Variants in MED13L observed in about 807,000 individuals in gnomAD.
MED13L encodes mediator of RNA polymerase II transcription subunit 13-like.
In MED13L, 7 loss-of-function variants were observed where a neutral mutation model predicts 220.9. That is an observed-to-expected ratio of 0.03 (90% CI 0.02 to 0.06). The LOEUF (loss-of-function observed/expected upper bound fraction) is 0.06. MED13L is among the 10% of genes least tolerant of loss of function. MED13L has a pLI of 1.00. For synonymous variants in MED13L, 1,011 were observed against 1,015.2 expected, an observed-to-expected ratio of 1.00 and a Z score of 0.08; for missense variants, 1,965 against 2,760.5, an observed-to-expected ratio of 0.71 and a Z score of 6.46.
intron 5 of MED13L, among the ~76,000 whole-genome samples, chr12:116,021,330 A>G (rs1355315211): frequency 1.3e-5 from 2 of 152,162 alleles, no homozygotes; most frequent in African/African-American, 4.8e-5. Context: ...TTATTACCAT[A>G]ACTAAATGCT....
intron 1 of MED13L, among the ~76,000 whole-genome samples, chr12:116,262,757 T>C (rs1872597237): frequency 6.6e-6 from 1 of 152,210 alleles, no homozygotes; most frequent in Non-Finnish European, 1.5e-5. Flanking sequence ...ATGAGAATCA[T>C]TCCGCTGTTT....
intron 4 of MED13L, among the ~76,000 whole-genome samples, chr12:116,075,153 C>T (rs1870678784): frequency 6.6e-6 from 1 of 152,010 alleles, no homozygotes; most frequent in Non-Finnish European, 1.5e-5. Flanking sequence ...TTACCTTTTT[C>T]ATTTTGGGGG....
chr12:116,190,481 T>C (rs115789823), intron 2 of MED13L, among the ~76,000 whole-genome samples: 76 of 152,312 alleles, frequency 5.0e-4, no homozygotes, highest in African/African-American at 1.8e-3. Flanking sequence ...CTACATCAAA[T>C]CTGAATTAAA....
At chr12:116,205,532 G>GAAAAAA (rs34982320) in intron 2 of MED13L, among the ~76,000 whole-genome samples, 5 of 94,016 alleles carry the variant, frequency 5.3e-5, no homozygotes, top group African/African-American at 4.2e-5. Flanking sequence ...CAAAGGAAGA[G>GAAAAAA]AAAAAAAAAA....
chr12:115,983,878 C>T (rs1331737227), intron 20 of MED13L, among the ~76,000 whole-genome samples: 1 of 152,148 alleles, frequency 6.6e-6, no homozygotes, highest in African/African-American at 2.4e-5. Context: ...CCTAGGTTTA[C>T]AAGCTTCTAA....
At chr12:116,052,937 T>C (rs1868629151) in intron 4 of MED13L, among the ~76,000 whole-genome samples, 1 of 152,166 alleles carries the variant, frequency 6.6e-6, no homozygotes, top group African/African-American at 2.4e-5. Flanking sequence ...GGCAACATAT[T>C]AATAGTAAGT....
intron 2 of MED13L, among the ~76,000 whole-genome samples, chr12:116,123,088 T>A (rs1453230425): frequency 6.6e-6 from 1 of 152,178 alleles, no homozygotes; most frequent in African/African-American, 2.4e-5. Context: ...TTAAAATGAT[T>A]AACATGCTCT....
intron 2 of MED13L, among the ~76,000 whole-genome samples, chr12:116,214,082 T>C (rs1882864983): frequency 6.6e-6 from 1 of 152,234 alleles, no homozygotes; most frequent in South Asian, 2.1e-4. Flanking sequence ...GCTCTGTCTA[T>C]GGTGCAGCCA....
chr12:116,192,708 A>C (rs939650370), intron 2 of MED13L, among the ~76,000 whole-genome samples: 1 of 152,094 alleles, frequency 6.6e-6, no homozygotes, highest in East Asian at 1.9e-4. Flanking sequence ...AACAACCCTG[A>C]CCCTTATTTC....
At chr12:116,070,086 T>C (rs1317229030) in intron 4 of MED13L, among the ~76,000 whole-genome samples, 2 of 152,182 alleles carry the variant, frequency 1.3e-5, no homozygotes, top group Admixed American at 6.5e-5. Context: ...AAAGTGTAAA[T>C]ATCTCTCACT....
rs1239372250 is a variant in MED13L, at chr12:116,193,188, G to A, written c.310+44280C>T. Among the ~76,000 whole-genome samples, 3 of 152,034 alleles carry A rather than the reference G, an allele frequency of 2.0e-5. No individual in the cohort carries two copies. The East Asian group carries it at 5.8e-4, about 29-fold the overall frequency. ...TAGGCAGGCATGGTAGCTCACTCCT[G>A]TAGTCACAGCTGCTTGGGAGGCTGA... On this transcript the variant is annotated intron_variant, in intron 2 of 30. Coordinates refer to ENST00000281928, the MANE Select transcript of MED13L (RefSeq NM_015335.5).
intron 4 of MED13L, among the ~76,000 whole-genome samples, chr12:116,053,220 A>C (rs1439514011): frequency 1.3e-5 from 2 of 152,216 alleles, no homozygotes. Flanking sequence ...GTGATTAGGG[A>C]GTTAAAAACA....
chr12:116,035,958 T>C (rs1881170447), intron 4 of MED13L, among the ~76,000 whole-genome samples: 1 of 152,164 alleles, frequency 6.6e-6, no homozygotes, highest in African/African-American at 2.4e-5. Flanking sequence ...AATTTATATG[T>C]CCAATGCCTC....
intron 2 of MED13L, among the ~76,000 whole-genome samples, chr12:116,172,974 T>C (rs1272790433): frequency 8.1e-6 from 1 of 122,784 alleles, no homozygotes; most frequent in Non-Finnish European, 1.8e-5. Flanking sequence ...ATACAACAGA[T>C]AAAAGTTGTC....
chr12:116,210,544 A>C (rs1882622488), intron 2 of MED13L, among the ~76,000 whole-genome samples: 1 of 107,118 alleles, frequency 9.3e-6, no homozygotes, highest in Non-Finnish European at 1.9e-5. Context: ...CAACCGCAGA[A>C]CGTAACCTAT....
At chr12:115,968,263 A>G (rs1170439183) in intron 28 of MED13L, among the ~76,000 whole-genome samples, 1 of 152,164 alleles carries the variant, frequency 6.6e-6, no homozygotes, top group Non-Finnish European at 1.5e-5. Flanking sequence ...CAAAGTTACC[A>G]CAAGCTGTGG....
intron 2 of MED13L, among the ~76,000 whole-genome samples, chr12:116,233,636 G>C (rs1176582557): frequency 1.3e-5 from 2 of 152,164 alleles, no homozygotes; most frequent in East Asian, 1.9e-4. Flanking sequence ...TACAATTATA[G>C]ATTAACTGCT....
intron 2 of MED13L, chr12:116,230,660 C>T (rs1223019525): frequency 5.3e-6 from 1 of 187,188 alleles, no homozygotes; most frequent in African/African-American, 2.4e-5. Context: ...GAAAATGAGT[C>T]AAAGATCAGA....
chr12:116,063,042 C>T (rs191386362), intron 4 of MED13L, among the ~76,000 whole-genome samples: 34 of 152,256 alleles, frequency 2.2e-4, no homozygotes, highest in African/African-American at 7.2e-4. Flanking sequence ...GGAGGCTCAA[C>T]GCAGCCCAAA....
Sources: gnomAD v4.1 joint callset for allele counts (sites outside exome capture counted in the v4.1 genomes callset) on GRCh38, gnomAD v4.1.1 for gene constraint, MANE v1.5 for transcripts, NCBI Gene and HGNC (gene_info 2026-07-23, HGNC 2026-07-21) for gene names.